Variants in GRIA1 observed in about 807,000 individuals in gnomAD.
GRIA1 encodes the protein glutamate receptor 1.
A neutral mutation model predicts 99.2 loss-of-function variants in GRIA1; 31 were observed. The observed-to-expected ratio is 0.31, with a 90% CI of 0.23 to 0.42. The LOEUF is 0.42. Ranked by LOEUF, GRIA1 falls within the 10% of genes least tolerant of loss-of-function variation. The pLI, the probability that GRIA1 is intolerant of heterozygous loss-of-function variation, is 1.00. For synonymous variants in GRIA1, 438 were observed against 432.4 expected, an observed-to-expected ratio of 1.01 and a Z score of -0.16; for missense variants, 782 against 1,157.5, an observed-to-expected ratio of 0.68 and a Z score of 4.71.
At chr5:153,661,068 C>T (rs928551547) in intron 5 of GRIA1, among the ~76,000 whole-genome samples, 10 of 152,186 alleles carry the variant, frequency 6.6e-5, no homozygotes, top group African/African-American at 2.4e-4. Flanking sequence ...GCTGCTGCTC[C>T]TCTGCGGGAT....
chr5:153,692,379 C>T (rs913843209), intron 8 of GRIA1, among the ~76,000 whole-genome samples: 11 of 152,316 alleles, frequency 7.2e-5, no homozygotes, highest in African/African-American at 2.6e-4. Context: ...TATTTTTGTA[C>T]AGCCCATGAG....
chr5:153,559,278 T>C (rs1238671720), intron 2 of GRIA1, among the ~76,000 whole-genome samples: 1 of 152,194 alleles, frequency 6.6e-6, no homozygotes, highest in Non-Finnish European at 1.5e-5. Flanking sequence ...AGGCTTTCTA[T>C]GGAGCTGCTC....
chr5:153,751,056 C>T (rs533876548), intron 11 of GRIA1, among the ~76,000 whole-genome samples: 13 of 152,236 alleles, frequency 8.5e-5, no homozygotes, highest in South Asian at 6.2e-4. Flanking sequence ...GCCGAGATCA[C>T]GCCACTGCAC....
At chr5:153,500,470 C>A (rs550982997) in intron 2 of GRIA1, among the ~76,000 whole-genome samples, 2 of 152,150 alleles carry the variant, frequency 1.3e-5, no homozygotes, top group East Asian at 3.9e-4. Context: ...AGGCATTGCA[C>A]TAGAAATTGA....
At chr5:153,802,523 C>A (rs770149386) in intron 15 of GRIA1, 33 bp downstream of exon 15, 1 of 1,612,078 alleles carries the variant, frequency 6.2e-7, no homozygotes, top group Non-Finnish European at 8.5e-7. Flanking sequence ...TTTTCCTAAC[C>A]TGTTCTGTGA....
chr5:153,516,202 C>T (rs770529269), intron 2 of GRIA1, among the ~76,000 whole-genome samples: 5 of 151,896 alleles, frequency 3.3e-5, no homozygotes, highest in Admixed American at 1.3e-4. Context: ...CCTGGGCAAC[C>T]GAGTGAGACT....
At chr5:153,634,457 T>C (rs1335812110) in intron 2 of GRIA1, among the ~76,000 whole-genome samples, 1 of 152,000 alleles carries the variant, frequency 6.6e-6, no homozygotes, top group African/African-American at 2.4e-5. Context: ...TTCTAGGAGA[T>C]AACAGCTTGT....
rs1024110263 is a variant in GRIA1 at position 153,734,841 on chromosome 5, T to G, written c.1823+28774T>G. On this transcript the variant is annotated intron_variant, in intron 11 of 15. Coordinates refer to ENST00000285900, the MANE Select transcript of GRIA1 (RefSeq NM_000827.4). Reference sequence around the variant, plus strand: ...GAAGGAACATGTTTGTGAGCCATTGTCAGGAACTTGGATCTTATCTTAAAG... The same window carrying G: ...GAAGGAACATGTTTGTGAGCCATTGGCAGGAACTTGGATCTTATCTTAAAG... Among the ~76,000 whole-genome samples the G allele has an allele frequency of 7.2e-5, 11 of 152,318 alleles. No homozygotes were observed. In the East Asian group the frequency reaches 2.1e-3, roughly 29 times the overall value.
intron 2 of GRIA1, among the ~76,000 whole-genome samples, chr5:153,573,808 C>T (rs1025728678): frequency 6.6e-6 from 1 of 152,178 alleles, no homozygotes; most frequent in African/African-American, 2.4e-5. Flanking sequence ...ATTGCTCTTA[C>T]TGTGTGGCTG....
intron 2 of GRIA1, among the ~76,000 whole-genome samples, chr5:153,512,006 C>T (rs1165389108): frequency 6.6e-6 from 1 of 152,172 alleles, no homozygotes; most frequent in Non-Finnish European, 1.5e-5. Flanking sequence ...ACAAACAAAG[C>T]AAATCTGCTG....
At chr5:153,569,975 C>T (rs142923116) in intron 2 of GRIA1, among the ~76,000 whole-genome samples, 16 of 152,248 alleles carry the variant, frequency 1.1e-4, no homozygotes, top group African/African-American at 1.7e-4. Flanking sequence ...GGTTACTATT[C>T]GGTTAATAGG....
At position 153,745,301 on chromosome 5, in the gene GRIA1, A is replaced by AAAAAT. The variant is rs57567191; in HGVS notation, c.1824-19131_1824-19130insAATAA. On this transcript the variant is annotated intron_variant, in intron 11 of 15. Coordinates refer to ENST00000285900, the MANE Select transcript of GRIA1 (RefSeq NM_000827.4). ...TCAAGTTAGAAATTACAAAAAAAAA[A>AAAAAT]AATAGACTGGGCATGGTGGCTGACA... Among the ~76,000 whole-genome samples, 142 of 151,098 alleles carry AAAAAT rather than the reference A, an allele frequency of 9.4e-4. 2 individuals carry two copies. The highest frequency in any genetic ancestry group is 4.7e-3 in the East Asian group (24 of 5,086).
intron 5 of GRIA1, among the ~76,000 whole-genome samples, chr5:153,667,843 T>C (rs1185623495): frequency 6.6e-6 from 1 of 152,240 alleles, no homozygotes; most frequent in Non-Finnish European, 1.5e-5. Flanking sequence ...GTAGTTGTAG[T>C]GTTAAACACC....
chr5:153,785,951 T>C (rs1764939823), intron 13 of GRIA1, among the ~76,000 whole-genome samples: 1 of 152,226 alleles, frequency 6.6e-6, no homozygotes, highest in South Asian at 2.1e-4. Flanking sequence ...TAATTCCTCT[T>C]CCACTGACAA....
intron 7 of GRIA1, among the ~76,000 whole-genome samples, chr5:153,684,501 TG>T (rs1056291710): frequency 1.3e-5 from 2 of 152,186 alleles, no homozygotes; most frequent in Non-Finnish European, 2.9e-5. Context: ...AAATTGAGAC[TG>T]GGGCTGAAAA....
At chr5:153,726,779 G>A (rs1191512029) in intron 11 of GRIA1, among the ~76,000 whole-genome samples, 1 of 152,134 alleles carries the variant, frequency 6.6e-6, no homozygotes, top group East Asian at 1.9e-4. Context: ...AGGACCAGAT[G>A]GATTCACAGC....
At chr5:153,637,668 G>A (rs1349981871) in intron 2 of GRIA1, among the ~76,000 whole-genome samples, 3 of 152,136 alleles carry the variant, frequency 2.0e-5, no homozygotes, top group African/African-American at 7.2e-5. Flanking sequence ...GTTGTAGGTG[G>A]AATACATTAA....
intron 2 of GRIA1, 82 bp from the exon 3 acceptor site, chr5:153,646,846 G>A (rs1279984376): frequency 1.4e-6 from 2 of 1,447,404 alleles, no homozygotes; most frequent in Admixed American, 1.8e-5. Flanking sequence ...TTGGATGGAT[G>A]AACTAGTGGA....
At position 153,490,676 on chromosome 5, in the gene GRIA1, T is replaced by C; in HGVS notation, c.-213T>C. On this transcript the variant is annotated 5_prime_UTR_variant, in exon 1 of 16. Coordinates refer to ENST00000285900, the MANE Select transcript of GRIA1 (RefSeq NM_000827.4). ...GGCTTCTTTTCCCGTGCTCAGTTAA[T>C]CTGGCTGTCAGTTGGTGTTAACGCT... The C allele has an allele frequency of 1.6e-6, 1 of 618,908 alleles. No homozygotes were observed. The highest frequency in any genetic ancestry group is 2.9e-6 in the Non-Finnish European group (1 of 343,990). The allele number at this position is 618,908 out of a possible 1,614,324, so 38.3% of individuals were successfully genotyped here. A position where few individuals can be genotyped will look rare whatever the true frequency, so the allele number is the denominator to read the frequency against.
Sources: gnomAD v4.1 joint callset for allele counts (sites outside exome capture counted in the v4.1 genomes callset) on GRCh38, gnomAD v4.1.1 for gene constraint, MANE v1.5 for transcripts, NCBI Gene and HGNC (gene_info 2026-07-23, HGNC 2026-07-21) for gene names.